ARHGEF10: variants seen among roughly 807,000 people sequenced by gnomAD.
ARHGEF10 encodes the protein Rho guanine nucleotide exchange factor 10.
A neutral mutation model predicts 147.4 loss-of-function variants in ARHGEF10; 140 were observed. That is an observed-to-expected ratio of 0.95 (90% CI 0.83 to 1.09). The LOEUF is 1.09. Ranked by LOEUF, ARHGEF10 falls within the 50% of genes least tolerant of loss-of-function variation. ARHGEF10 has a pLI of 0.00. For synonymous variants in ARHGEF10, 902 were observed against 695.8 expected, an observed-to-expected ratio of 1.30 and a Z score of -4.67; for missense variants, 2,222 against 1,752.7, an observed-to-expected ratio of 1.27 and a Z score of -4.78.
intron 5 of ARHGEF10, 131 bp downstream of exon 5, chr8:1,864,567 C>T: frequency 2.2e-6 from 2 of 893,990 alleles, no homozygotes; most frequent in Non-Finnish European, 3.7e-6. Context: ...CCAACCCCAC[C>T]TCCTGCCTCG....
chr8:1,906,601 G>A (rs1203487040), intron 17 of ARHGEF10, among the ~76,000 whole-genome samples: 2 of 152,140 alleles, frequency 1.3e-5, no homozygotes, highest in East Asian at 1.9e-4. Flanking sequence ...CCCAGGCAGC[G>A]AGGGTGTGCA....
At chr8:1,909,539 G>A in intron 18 of ARHGEF10, 69 bp downstream of exon 18, 1 of 1,589,076 alleles carries the variant, frequency 6.3e-7, no homozygotes, top group Non-Finnish European at 8.6e-7. Context: ...GCTAGCTGTG[G>A]GGCCAGCGTA....
At chr8:1,950,420 A>T (rs754624139) in intron 27 of ARHGEF10, among the ~76,000 whole-genome samples, 2 of 152,206 alleles carry the variant, frequency 1.3e-5, no homozygotes, top group African/African-American at 2.4e-5. Flanking sequence ...TGCAATGGAA[A>T]ACCACTCTCT....
upstream of ARHGEF10, among the ~76,000 whole-genome samples, chr8:1,823,584 C>A (rs542454143): frequency 6.6e-6 from 1 of 151,788 alleles, no homozygotes; most frequent in Admixed American, 6.5e-5. Flanking sequence ...AGCTCTGAGC[C>A]GGGAGCAGGC....
chr8:1,844,896 A>C (rs1044397579), intron 2 of ARHGEF10, among the ~76,000 whole-genome samples: 1 of 152,146 alleles, frequency 6.6e-6, no homozygotes, highest in Non-Finnish European at 1.5e-5. Flanking sequence ...GTGAGACCCC[A>C]TATCTGCAAA....
chr8:1,928,781 G>T, intron 24 of ARHGEF10, 131 bp downstream of exon 24: 1 of 1,030,938 alleles, frequency 9.7e-7, no homozygotes, highest in Non-Finnish European at 1.5e-6. Flanking sequence ...GGGGATACCA[G>T]GGGAAATTTT....
At chr8:1,846,556 A>G (rs997657532) in intron 2 of ARHGEF10, among the ~76,000 whole-genome samples, 1 of 151,928 alleles carries the variant, frequency 6.6e-6, no homozygotes, top group African/African-American at 2.4e-5. Context: ...TTTCTACATA[A>G]TTGTAGTCAT....
chr8:1,951,894 C>T (rs1164190967), intron 27 of ARHGEF10, among the ~76,000 whole-genome samples: 1 of 152,004 alleles, frequency 6.6e-6, no homozygotes, highest in African/African-American at 2.4e-5. Context: ...CCTGTAACTG[C>T]AGTGAGGTGG....
chr8:1,939,524 A>G (rs1050062196), intron 26 of ARHGEF10, among the ~76,000 whole-genome samples: 7 of 152,192 alleles, frequency 4.6e-5, no homozygotes, highest in Non-Finnish European at 1.0e-4. Context: ...ATTGCATCCC[A>G]CGGTTACTAC....
chr8:1,876,623 C>T lies in ARHGEF10; in HGVS notation c.732C>T (p.Ser244=). 6.2e-7 allele frequency: 1 copy of T among 1,614,192 alleles called. No individual in the cohort carries two copies. The highest frequency in any genetic ancestry group is 1.6e-4 in the Middle Eastern group (1 of 6,062). ...VENGDEGGNS[S]LEYGWSSSEF... ...ATGGGGATGAAGGTGGAAACAGCTC[C>T]TTGGAATACGGATGGAGTTCGAGTG... Residue 244 remains serine, a synonymous_variant, in exon 8 of 29, where the codon TCC becomes TCT. Transcript: ENST00000349830.
intron 25 of ARHGEF10, among the ~76,000 whole-genome samples, chr8:1,931,251 T>C (rs940129770): frequency 7.9e-5 from 12 of 152,262 alleles, no homozygotes; most frequent in African/African-American, 1.2e-4. Flanking sequence ...GAATGTGTGT[T>C]GATAGGACTT....
intron 1 of ARHGEF10, among the ~76,000 whole-genome samples, chr8:1,833,961 G>A (rs975912127): frequency 3.3e-5 from 5 of 152,060 alleles, no homozygotes; most frequent in African/African-American, 9.7e-5. Flanking sequence ...ACTCCTGCTC[G>A]GGGGCACTAG....
chr8:1,872,972 T>G (rs1322857701), intron 7 of ARHGEF10, among the ~76,000 whole-genome samples: 1 of 152,122 alleles, frequency 6.6e-6, no homozygotes, highest in African/African-American at 2.4e-5. Flanking sequence ...AAATGCATTT[T>G]GGGGTAATTT....
intron 2 of ARHGEF10, among the ~76,000 whole-genome samples, chr8:1,857,371 T>C (rs1805627722): frequency 6.6e-6 from 1 of 152,116 alleles, no homozygotes; most frequent in Non-Finnish European, 1.5e-5. Context: ...GGTGCACAGA[T>C]TTAAAATGTG....
chr8:1,829,519 C>T (rs1389972409), intron 1 of ARHGEF10, among the ~76,000 whole-genome samples: 2 of 152,228 alleles, frequency 1.3e-5, no homozygotes, highest in African/African-American at 2.4e-5. Context: ...ACTCAGCAGG[C>T]CCGTGGGAAG....
At chr8:1,934,792 A>G (rs1813441275) in intron 26 of ARHGEF10, among the ~76,000 whole-genome samples, 1 of 152,242 alleles carries the variant, frequency 6.6e-6, no homozygotes, top group Non-Finnish European at 1.5e-5. Context: ...AAGCCTCTCC[A>G]AGCATGCCAC....
In ARHGEF10 at chr8:1,950,698, GT is replaced by G. The variant is rs933106248; in HGVS notation, c.3398-2000del. On this transcript the variant is annotated intron_variant, in intron 27 of 28. Coordinates refer to ENST00000349830, the MANE Select transcript of ARHGEF10 (RefSeq NM_014629.4). ...AGGTGCCTACCACCACGCCCAGCTA[GT>G]TTTTTTGTATTTTTTTGTTTTGTTT... Among the ~76,000 whole-genome samples the G allele has an allele frequency of 2.8e-5, 4 of 140,518 alleles. No individual in the cohort carries two copies. In the South Asian group the frequency reaches 9.3e-4, roughly 33 times the overall value. 92.2% of individuals were successfully genotyped at this position (140,518 alleles called of 152,430 possible). A position where few individuals can be genotyped will look rare whatever the true frequency, so the allele number is the denominator to read the frequency against.
chr8:1,823,448 CTG>C (rs1563135771), upstream of ARHGEF10, among the ~76,000 whole-genome samples: 25 of 129,604 alleles, frequency 1.9e-4, no homozygotes, highest in Admixed American at 1.1e-3. Context: ...GGGCGATGTT[CTG>C]GGGGGGGGAG....
chr8:1,871,741 C>T (rs890110074), intron 7 of ARHGEF10, among the ~76,000 whole-genome samples: 5 of 152,034 alleles, frequency 3.3e-5, no homozygotes, highest in Admixed American at 6.6e-5. Flanking sequence ...TACTTGAACC[C>T]GGGAGGTGGA....
Sources: gnomAD v4.1 joint callset for allele counts (sites outside exome capture counted in the v4.1 genomes callset) on GRCh38, gnomAD v4.1.1 for gene constraint, MANE v1.5 for transcripts, NCBI Gene and HGNC (gene_info 2026-07-23, HGNC 2026-07-21) for gene names.